Variants in PAH observed in about 807,000 individuals in gnomAD.
The protein encoded by PAH is phenylalanine-4-hydroxylase.
Under a neutral mutation model 62.0 loss-of-function variants are expected in PAH, and 64 were observed. The observed-to-expected ratio is 1.03, with a 90% CI of 0.84 to 1.27. The LOEUF (loss-of-function observed/expected upper bound fraction) is 1.27, where lower values mean the gene tolerates loss of function less well. Among genes scored for constraint, PAH ranks in the 50% most tolerant of loss-of-function variants. The pLI, the probability that PAH is intolerant of heterozygous loss-of-function variation, is 0.00. For synonymous variants in PAH, 195 were observed against 196.2 expected, an observed-to-expected ratio of 0.99 and a Z score of 0.05; for missense variants, 579 against 542.8, an observed-to-expected ratio of 1.07 and a Z score of -0.66.
intron 6 of PAH, chr12:102,853,292 A>G (rs1021063306): frequency 2.9e-6 from 1 of 347,484 alleles, no homozygotes; most frequent in African/African-American, 2.1e-5. Context: ...ACCATTTGTT[A>G]GGGTGGAACA....
rs530190517 is a variant in PAH, at chr12:102,938,014, C to T, written c.-96+12575G>A. Among the ~76,000 whole-genome samples, 4 of 152,286 alleles carry T rather than the reference C, an allele frequency of 2.6e-5. No homozygotes were observed. In the East Asian group the frequency reaches 5.8e-4, roughly 22 times the overall value. On this transcript the variant is annotated intron_variant, in intron 1 of 3. Transcript: ENST00000546844. ...GCTGACCGAAGCAGCTACTGTGCAC[C>T]GCTCTCATGGAATGGAGATAAAGTT...
intron 1 of PAH, among the ~76,000 whole-genome samples, chr12:102,944,427 T>C (rs1879413385): frequency 6.6e-6 from 1 of 152,204 alleles, no homozygotes; most frequent in Non-Finnish European, 1.5e-5. Context: ...TTTCTAGATC[T>C]TGTAGGCATG....
chr12:102,904,870 G>T (rs1877910885), intron 2 of PAH: 3 of 279,484 alleles, frequency 1.1e-5, no homozygotes, highest in Admixed American at 4.3e-5. Context: ...CTGGCGAATG[G>T]CTCAACCCCA....
At chr12:102,882,390 A>C (rs554380358) in intron 3 of PAH, among the ~76,000 whole-genome samples, 2 of 152,248 alleles carry the variant, frequency 1.3e-5, no homozygotes, top group African/African-American at 4.8e-5. Context: ...GCCCAGGAAA[A>C]GTTATTACAT....
chr12:102,896,161 T>C (rs767457101), intron 2 of PAH, among the ~76,000 whole-genome samples: 3 of 152,088 alleles, frequency 2.0e-5, no homozygotes, highest in Admixed American at 1.3e-4. Flanking sequence ...TGAGGGCAGA[T>C]TGCAGGACTA....
At chr12:102,870,860 G>T (rs919556202) in intron 4 of PAH, among the ~76,000 whole-genome samples, 1 of 152,116 alleles carries the variant, frequency 6.6e-6, no homozygotes, top group Non-Finnish European at 1.5e-5. Flanking sequence ...CAATCCCTTT[G>T]CTCACCCTAC....
At position 102,868,122 on chromosome 12, in the gene PAH, A is replaced by G. The variant is rs1213627414; in HGVS notation, c.442-1459T>C. Among the ~76,000 whole-genome samples, 23 of 9,586 alleles carry G rather than the reference A, an allele frequency of 2.4e-3. 5 individuals are homozygous for G. In the South Asian group the frequency reaches 0.073, roughly 30 times the overall value. The allele number at this position is 9,586 out of a possible 152,430, so 6.3% of individuals were successfully genotyped here. On this transcript the variant is annotated intron_variant, in intron 4 of 12. Transcript: ENST00000553106. ...TATATATACACATATATATACATAT[A>G]TGTGTATATATATATATATATATAT...
chr12:102,920,916 T>TATTTTCCAGTTATGGACA, upstream of PAH, among the ~76,000 whole-genome samples: 1 of 152,348 alleles, frequency 6.6e-6, no homozygotes. Flanking sequence ...TTGACTTCTT[T>TATTTTCCAGTTATGGACA]ATTTTCCAGT....
Position 102,852,922 on chromosome 12 carries a change from C to T in PAH, c.735G>A (p.Val245=), listed in dbSNP as rs1042503. ...AATCCCGAGAGGAAAGCAGGCCAGC[C>T]ACAGGTCGGAGGCGGAAACCAGTGC... The part of the protein sequence containing the change: ...QTCTGFRLRP[V]AGLLSSRDFL... The change falls in exon 7 of 13, where the codon GTG becomes GTA. Residue 245 remains valine (V), a synonymous_variant. Coordinates refer to ENST00000553106, the MANE Select transcript of PAH (RefSeq NM_000277.3). 411,930 of 1,613,724 alleles carry T rather than the reference C, an allele frequency of 0.26. 61,530 individuals carry two copies. Among genetic ancestry groups the T allele is most frequent in the East Asian group, 0.76 (33,977 of 44,838 alleles).
At chr12:102,865,770 A>G (rs1875927818) in intron 5 of PAH, among the ~76,000 whole-genome samples, 1 of 152,146 alleles carries the variant, frequency 6.6e-6, no homozygotes, top group Non-Finnish European at 1.5e-5. Flanking sequence ...AGGTTTTTCC[A>G]TGTTGAAAGT....
intron 4 of PAH, among the ~76,000 whole-genome samples, chr12:102,867,884 TATATAC>T (rs1343011974): frequency 1.4e-5 from 2 of 143,918 alleles, no homozygotes; most frequent in Non-Finnish European, 1.5e-5. Context: ...TATATACATG[TATATAC>T]ATATATAGAT....
intron 11 of PAH, among the ~76,000 whole-genome samples, chr12:102,842,395 G>A (rs1325978430): frequency 6.6e-6 from 1 of 152,122 alleles, no homozygotes; most frequent in Non-Finnish European, 1.5e-5. Context: ...GGATTTGTGG[G>A]CCAGCATTTT....
rs62642906 is a variant in PAH at position 102,917,082 on chromosome 12, CAG to C, written c.47_48del (p.Ser16Ter). The part of the protein sequence containing the change: ...LENPGLGRKL[S>X]DFGQETSYIE... ...CTGCCGTGGCTCACCTGTCCAAAGT[CAG>C]AGAGTTTCCTGCCCAAGCCTGGGTT... On this transcript the variant is annotated frameshift_variant, in exon 1 of 13. Coordinates refer to ENST00000553106, the MANE Select transcript of PAH (RefSeq NM_000277.3). LOFTEE classifies it high-confidence loss of function. 13 of 1,614,084 alleles carry C rather than the reference CAG, an allele frequency of 8.1e-6. No individual in the cohort carries two copies. Among genetic ancestry groups the C allele is most frequent in the Admixed American group, 1.7e-5 (1 of 60,014 alleles).
At chr12:102,913,829 T>G (rs574999118) in intron 1 of PAH, 2 of 702,006 alleles carry the variant, frequency 2.8e-6, no homozygotes, top group East Asian at 2.7e-5. Context: ...AAACCAAGGT[T>G]GGGGTTAGGG....
upstream of PAH, among the ~76,000 whole-genome samples, chr12:102,920,782 A>G (rs1186865099): frequency 6.6e-6 from 1 of 152,192 alleles, no homozygotes; most frequent in Non-Finnish European, 1.5e-5. Context: ...TGGATGTACT[A>G]TAGATTTCAT....
chr12:102,888,617 A>G (rs1309652482), intron 3 of PAH, among the ~76,000 whole-genome samples: 2 of 150,954 alleles, frequency 1.3e-5, no homozygotes, highest in African/African-American at 2.4e-5. Flanking sequence ...GACTGACTGC[A>G]GGGAGCAGAC....
intron 2 of PAH, among the ~76,000 whole-genome samples, chr12:102,905,960 A>T (rs1431460157): frequency 6.6e-6 from 1 of 152,216 alleles, no homozygotes; most frequent in African/African-American, 2.4e-5. Flanking sequence ...AATGAGAAAG[A>T]CTGGGAGAAA....
chr12:102,910,388 G>T (rs35620841), intron 2 of PAH, among the ~76,000 whole-genome samples: 28,246 of 116,836 alleles, frequency 0.24, 3,161 homozygotes, highest in African/African-American at 0.35. Flanking sequence ...TTTTTTTTTT[G>T]GGGAGGGAGT....
chr12:102,877,411 G>T, intron 4 of PAH, 51 bp downstream of exon 4: 1 of 1,189,118 alleles, frequency 8.4e-7, no homozygotes, highest in Non-Finnish European at 1.3e-6. Flanking sequence ...GAAGGGAGGG[G>T]AGTGGAGGAG....
Sources: allele counts gnomAD v4.1 joint callset (sites outside exome capture counted in the v4.1 genomes callset), GRCh38; gene constraint gnomAD v4.1.1; transcripts MANE v1.5; gene names NCBI Gene and HGNC (gene_info 2026-07-23, HGNC 2026-07-21).